The following CCNY variants were observed in gnomAD, a reference collection of about 807,000 sequenced individuals.
The protein encoded by CCNY is cyclin-Y.
CCNY carries 19 observed loss-of-function variants against 42.8 expected under a neutral mutation model. The observed-to-expected ratio is 0.44, with a 90% CI of 0.31 to 0.65. The LOEUF (loss-of-function observed/expected upper bound fraction) is 0.65, where lower values mean the gene tolerates loss of function less well. Ranked by LOEUF, CCNY falls within the 30% of genes least tolerant of loss-of-function variation. The probability of loss-of-function intolerance (pLI) is 0.07; values close to 1 mark genes in which losing one functional copy is unlikely to be tolerated. For missense variants in CCNY, 370 were observed against 437.3 expected, an observed-to-expected ratio of 0.85 and a Z score of 1.37; for synonymous variants, 165 against 162.7, an observed-to-expected ratio of 1.01 and a Z score of -0.11.
intron 7 of CCNY, among the ~76,000 whole-genome samples, chr10:35,541,854 C>T (rs1392585876): frequency 6.6e-6 from 1 of 151,688 alleles, no homozygotes; most frequent in South Asian, 2.1e-4. Flanking sequence ...CCATCCAGGA[C>T]ACCATGTTGT....
intron 3 of CCNY, among the ~76,000 whole-genome samples, chr10:35,509,146 C>G (rs1008881901): frequency 6.6e-6 from 1 of 152,164 alleles, no homozygotes; most frequent in Non-Finnish European, 1.5e-5. Flanking sequence ...TTCTGAGATC[C>G]AAAGTTGGCT....
chr10:35,285,806 G>GTGTTTTTGTTTT (rs3066489), intron 3 of CCNY, among the ~76,000 whole-genome samples: 12 of 151,014 alleles, frequency 7.9e-5, no homozygotes, highest in East Asian at 5.9e-4. Flanking sequence ...TTGGATTTAG[G>GTGTTTTTGTTTT]TGTTTTTGTT....
At chr10:35,309,428 T>C (rs1397014587) in intron 3 of CCNY, among the ~76,000 whole-genome samples, 5 of 152,104 alleles carry the variant, frequency 3.3e-5, no homozygotes, top group African/African-American at 4.8e-5. Flanking sequence ...GTGGGTTTTT[T>C]GTTTTTCTTT....
At chr10:35,511,336 A>C (rs1042717210) in intron 3 of CCNY, among the ~76,000 whole-genome samples, 1 of 152,068 alleles carries the variant, frequency 6.6e-6, no homozygotes, top group Non-Finnish European at 1.5e-5. Flanking sequence ...CAGAAATGAC[A>C]ATGGAGAGTG....
At chr10:35,409,752 ATTGTT>A (rs1165062116) in intron 1 of CCNY, among the ~76,000 whole-genome samples, 1 of 152,122 alleles carries the variant, frequency 6.6e-6, no homozygotes, top group Non-Finnish European at 1.5e-5. Flanking sequence ...GCAATCTGTG[ATTGTT>A]TTGTTTTATT....
At chr10:35,352,550 G>A (rs904837887) in intron 1 of CCNY, among the ~76,000 whole-genome samples, 1 of 152,154 alleles carries the variant, frequency 6.6e-6, no homozygotes, top group African/African-American at 2.4e-5. Flanking sequence ...GTGGGAATTC[G>A]AGCTTCAGTT....
chr10:35,560,707 A>G (rs1841449306), intron 8 of CCNY, among the ~76,000 whole-genome samples: 1 of 152,238 alleles, frequency 6.6e-6, no homozygotes, highest in Admixed American at 6.5e-5. Flanking sequence ...ATATCTGTGG[A>G]CATAGATGCT....
intron 2 of CCNY, among the ~76,000 whole-genome samples, chr10:35,488,757 T>G (rs1018759635): frequency 6.6e-6 from 1 of 152,232 alleles, no homozygotes; most frequent in Admixed American, 6.5e-5. Flanking sequence ...TAAACTGGCC[T>G]TCTTTAACAA....
intron 9 of CCNY, 54 bp downstream of exon 9, chr10:35,566,239 G>C: frequency 1.3e-6 from 2 of 1,531,974 alleles, no homozygotes; most frequent in Non-Finnish European, 1.8e-6. Context: ...TACATCATCT[G>C]AGTACCAGAG....
At chr10:35,489,055 G>T (rs901002442) in intron 2 of CCNY, among the ~76,000 whole-genome samples, 8 of 152,256 alleles carry the variant, frequency 5.3e-5, no homozygotes, top group African/African-American at 1.9e-4. Context: ...TGAGGCAAGC[G>T]GATCACGAGG....
At chr10:35,434,984 T>TGG (rs1838496738) in intron 1 of CCNY, among the ~76,000 whole-genome samples, 1 of 152,162 alleles carries the variant, frequency 6.6e-6, no homozygotes, top group Non-Finnish European at 1.5e-5. Context: ...CTGAGCGCTG[T>TGG]GAGATGATGG....
intron 1 of CCNY, among the ~76,000 whole-genome samples, chr10:35,408,217 C>T (rs1224694987): frequency 8.5e-5 from 13 of 152,168 alleles, no homozygotes; most frequent in Admixed American, 8.5e-4. Flanking sequence ...ATAGGTGGAT[C>T]TCTTCACGGA....
At position 35,512,504 on chromosome 10, in the gene CCNY, A is replaced by G. The variant is rs117230666; in HGVS notation, c.265-4019A>G. Among the ~76,000 whole-genome samples the G allele has an allele frequency of 6.4e-4, 97 of 152,348 alleles. 1 individual carries two copies. The East Asian group carries it at 0.015, about 23-fold the overall frequency. ...AAGCAAGGAGGAAACCCCAGAAAGA[A>G]AAAAGCTTCAGTTCAAATATCAAAT... On this transcript the variant is annotated intron_variant, in intron 3 of 9. Coordinates refer to ENST00000374704, the MANE Select transcript of CCNY (RefSeq NM_145012.6).
At chr10:35,430,356 A>T (rs1018633242) in intron 1 of CCNY, among the ~76,000 whole-genome samples, 2 of 148,466 alleles carry the variant, frequency 1.3e-5, no homozygotes, top group African/African-American at 5.1e-5. Context: ...AAAAAAAAAA[A>T]AAAAAGTGAT....
chr10:35,565,139 A>G (rs1182745099), intron 8 of CCNY, among the ~76,000 whole-genome samples: 5 of 152,240 alleles, frequency 3.3e-5, no homozygotes, highest in Admixed American at 3.3e-4. Context: ...TTTGAAAGAT[A>G]GCTGACATGA....
chr10:35,270,317 A>G (rs1340167684), intron 3 of CCNY, among the ~76,000 whole-genome samples: 1 of 152,150 alleles, frequency 6.6e-6, no homozygotes, highest in Non-Finnish European at 1.5e-5. Context: ...AGTGTTGCAT[A>G]GGAGACTAAA....
At chr10:35,494,826 G>A (rs1839975525) in intron 2 of CCNY, among the ~76,000 whole-genome samples, 1 of 152,166 alleles carries the variant, frequency 6.6e-6, no homozygotes, top group Non-Finnish European at 1.5e-5. Context: ...TACACATCAT[G>A]CTTGCTTTGT....
At chr10:35,415,862 G>A (rs1375212361) in intron 1 of CCNY, among the ~76,000 whole-genome samples, 1 of 152,234 alleles carries the variant, frequency 6.6e-6, no homozygotes, top group Non-Finnish European at 1.5e-5. Context: ...TGTGGGCCGA[G>A]CAGGTGGCAG....
intron 8 of CCNY, among the ~76,000 whole-genome samples, chr10:35,558,666 T>A (rs1841407412): frequency 6.6e-6 from 1 of 152,060 alleles, no homozygotes; most frequent in Admixed American, 6.5e-5. Flanking sequence ...GATGTCCTCA[T>A]AAGAAGAGAT....
Sources: gnomAD v4.1 joint callset for allele counts (sites outside exome capture counted in the v4.1 genomes callset) on GRCh38, gnomAD v4.1.1 for gene constraint, MANE v1.5 for transcripts, NCBI Gene and HGNC (gene_info 2026-07-23, HGNC 2026-07-21) for gene names.